TP53BP1: variants seen among roughly 807,000 people sequenced by gnomAD.
TP53BP1 encodes the protein TP53-binding protein 1.
TP53BP1 carries 61 observed loss-of-function variants against 200.8 expected under a neutral mutation model. The observed-to-expected ratio is 0.30, with a 90% confidence interval of 0.25 to 0.38. The LOEUF (loss-of-function observed/expected upper bound fraction) is 0.38. TP53BP1 is among the 10% of genes least tolerant of loss of function. TP53BP1 has a pLI of 1.00. For synonymous variants in TP53BP1, 822 were observed against 844.3 expected (o/e 0.97, Z 0.46); for missense variants, 2,144 against 2,371.9 (o/e 0.90, Z 2.00).
chr15:43,483,069 A>G (rs1283718889), intron 4 of TP53BP1, among the ~76,000 whole-genome samples: 1 of 152,188 alleles, frequency 6.6e-6, no homozygotes, highest in African/African-American at 2.4e-5. Context: ...GTATACTTAA[A>G]TATTATGGAA....
chr15:43,464,367 A>C (rs1246908193), intron 11 of TP53BP1, among the ~76,000 whole-genome samples: 1 of 152,250 alleles, frequency 6.6e-6, no homozygotes, highest in Non-Finnish European at 1.5e-5. Flanking sequence ...AGAATTTAGA[A>C]ATTAAAAACC....
intron 15 of TP53BP1, among the ~76,000 whole-genome samples, chr15:43,440,347 T>G (rs1388556060): frequency 6.6e-6 from 1 of 151,436 alleles, no homozygotes; most frequent in Non-Finnish European, 1.5e-5. Context: ...CCGTCTCCAC[T>G]AAAAATACAA....
At chr15:43,407,713 A>T (rs2044957602) in intron 27 of TP53BP1, 143 bp from the exon 28 acceptor site, 2 of 854,136 alleles carry the variant, frequency 2.3e-6, no homozygotes, top group South Asian at 3.7e-5. Flanking sequence ...ACTGATCATG[A>T]CCAAAGGCAG....
At chr15:43,504,261 C>T (rs2079224922) in intron 1 of TP53BP1, among the ~76,000 whole-genome samples, 1 of 152,194 alleles carries the variant, frequency 6.6e-6, no homozygotes, top group South Asian at 2.1e-4. Context: ...GATCCTCCTG[C>T]TTTAGCCTCC....
rs370401866 is a variant in TP53BP1, at chr15:43,425,004, G to A, written c.3829-2878C>T. 6.6e-5 allele frequency among the ~76,000 whole-genome samples: 10 copies of A among 152,258 alleles called. No individual in the cohort carries two copies. The East Asian group carries it at 1.4e-3, about 21-fold the overall frequency. On this transcript the variant is annotated intron_variant, in intron 18 of 27. Coordinates refer to ENST00000382044, the MANE Select transcript of TP53BP1 (RefSeq NM_001141980.3). ...GGTTAGTTATCACCAGAGTGGGTCT[G>A]TTATAAAAACTAATTTGGTTCTCTT...
Position 43,416,482 on chromosome 15 carries a change from G to C in TP53BP1, c.4682-66C>G, listed in dbSNP as rs180816365. On this transcript the variant is annotated intron_variant, in intron 21 of 27. Transcript: ENST00000382044. ...AGGCTCCTTAGCACCCTCTCACAAG[G>C]GCTCTGTAAAGCAGGCCTGAGTTAG... is the stretch of plus-strand genomic sequence containing the variant. 32 of 1,502,950 alleles carry C rather than the reference G, an allele frequency of 2.1e-5. No homozygotes were observed. In the Middle Eastern group the frequency reaches 1.8e-3, roughly 83 times the overall value. The allele number at this position is 1,502,950 out of a possible 1,614,324, so 93.1% of individuals were successfully genotyped here. A position where few individuals can be genotyped will look rare whatever the true frequency, so the allele number is the denominator to read the frequency against.
intron 11 of TP53BP1, among the ~76,000 whole-genome samples, chr15:43,461,924 C>A (rs557303302): frequency 6.6e-6 from 1 of 151,800 alleles, no homozygotes; most frequent in African/African-American, 2.4e-5. Context: ...TCTGCCTCGG[C>A]CTCCCAAAGC....
chr15:43,403,610 T>A lies in TP53BP1; in HGVS notation c.*3773A>T, dbSNP rs1055749713. 3.6e-6 allele frequency: 4 copies of A among 1,108,708 alleles called. No homozygotes were observed. The highest frequency in any genetic ancestry group is 3.7e-5 in the Admixed American group (2 of 54,642). 68.7% of individuals were successfully genotyped at this position (1,108,708 alleles called of 1,614,324 possible). On this transcript the variant is annotated 3_prime_UTR_variant, in exon 28 of 28. Transcript: ENST00000382044. Reference sequence around the variant, plus strand: ...TAATTAGATCAGCTATTAATCAGACTGTTCTCCTAACACTTTAACTTCATG... The same window carrying A: ...TAATTAGATCAGCTATTAATCAGACAGTTCTCCTAACACTTTAACTTCATG...
Position 43,412,854 on chromosome 15 carries a change from G to C in TP53BP1, c.5305+265C>G, listed in dbSNP as rs2045157723. Reference sequence around the variant, plus strand: ...TTTAACCTTTAACCTCTCCAAACTTGTTTCCTCATCCATAAAATAGATAAG... The same window carrying C: ...TTTAACCTTTAACCTCTCCAAACTTCTTTCCTCATCCATAAAATAGATAAG... On this transcript the variant is annotated intron_variant, in intron 24 of 27. Coordinates refer to ENST00000382044, the MANE Select transcript of TP53BP1 (RefSeq NM_001141980.3). The C allele has an allele frequency of 1.8e-5, 10 of 561,232 alleles. No homozygotes were observed. In the Admixed American group the frequency reaches 1.8e-4, roughly 10 times the overall value. The allele number at this position is 561,232 out of a possible 1,614,324, so 34.8% of individuals were successfully genotyped here.
In TP53BP1 at chr15:43,428,001, C is replaced by CA; in HGVS notation, c.3828+14dup. 1 of 1,522,198 alleles carries CA rather than the reference C, an allele frequency of 6.6e-7. No homozygotes were observed. Among genetic ancestry groups the CA allele is most frequent in the South Asian group, 1.2e-5 (1 of 81,224 alleles). The allele number at this position is 1,522,198 out of a possible 1,614,324, so 94.3% of individuals were successfully genotyped here. A position where few individuals can be genotyped will look rare whatever the true frequency, so the allele number is the denominator to read the frequency against. Reference sequence around the variant, plus strand: ...AAGAAAGAAATTTGCCACACAGACTCAGAGTATGTATTACCTCAGTTACTT... The same window carrying CA: ...AAGAAAGAAATTTGCCACACAGACTCAAGAGTATGTATTACCTCAGTTACTT... On this transcript the variant is annotated intron_variant, in intron 18 of 27. Transcript: ENST00000382044.
intron 11 of TP53BP1, among the ~76,000 whole-genome samples, chr15:43,461,661 G>C (rs2046435248): frequency 6.7e-6 from 1 of 150,254 alleles, no homozygotes; most frequent in Non-Finnish European, 1.5e-5. Context: ...AAATTATGTG[G>C]ATATACATTA....
At chr15:43,472,154 T>C (rs567793183) in intron 10 of TP53BP1, among the ~76,000 whole-genome samples, 1 of 152,356 alleles carries the variant, frequency 6.6e-6, no homozygotes, top group Admixed American at 6.5e-5. Flanking sequence ...ATTCTGCTTC[T>C]ACATCTCATT....
At chr15:43,433,708 GA>G (rs1191851298) in intron 16 of TP53BP1, among the ~76,000 whole-genome samples, 5 of 152,158 alleles carry the variant, frequency 3.3e-5, no homozygotes, top group African/African-American at 1.2e-4. Flanking sequence ...ACCATGCTAA[GA>G]CCACATCTGG....
chr15:43,439,482 A>C (rs111511314), intron 15 of TP53BP1, among the ~76,000 whole-genome samples: 98 of 152,222 alleles, frequency 6.4e-4, no homozygotes, highest in African/African-American at 2.3e-3. Flanking sequence ...GCTGCAGTGA[A>C]CTGTGATTGC....
rs984518011 is a variant in TP53BP1, at chr15:43,458,004, G to C, written c.1390-786C>G. Among the ~76,000 whole-genome samples, 5 of 151,960 alleles carry C rather than the reference G, an allele frequency of 3.3e-5. No individual in the cohort carries two copies. In the East Asian group the frequency reaches 9.7e-4, roughly 29 times the overall value. On this transcript the variant is annotated intron_variant, in intron 11 of 27. Coordinates refer to ENST00000382044, the MANE Select transcript of TP53BP1 (RefSeq NM_001141980.3). ...ATTGCACTCCAGTCTGGATTACAGA[G>C]CAAGACTCCATCTCAAAAAATAGTA...
chr15:43,456,269 A>C lies in TP53BP1; in HGVS notation c.2339T>G (p.Leu780Trp). Residue 780 changes from leucine to tryptophan, a missense_variant, in exon 12 of 28, where the codon TTG (leucine) becomes TGG (tryptophan). By Grantham distance (61) the Leu-to-Trp change is moderately conservative. Around this residue, in one of 4 missense-constraint regions of TP53BP1, gnomAD observed 1,700 missense variants for 1,710.3 expected, o/e 0.99. Coordinates refer to ENST00000382044, the MANE Select transcript of TP53BP1 (RefSeq NM_001141980.3). ...SPRVDVSCEP[L>W]EGVEKCSDSQ... ...ATCTGAGCACTTCTCCACTCCCTCC[A>C]AAGGTTCACAAGAAACATCAACTCT... 6.2e-7 allele frequency: 1 copy of C among 1,614,144 alleles called. No individual in the cohort carries two copies. The highest frequency in any genetic ancestry group is 1.1e-5 in the South Asian group (1 of 91,088).
At position 43,403,440 on chromosome 15, in the gene TP53BP1, A is replaced by G. The variant is rs1026995690; in HGVS notation, c.*3943T>C. 9.9e-5 allele frequency: 37 copies of G among 373,008 alleles called. No individual in the cohort carries two copies. Among genetic ancestry groups the G allele is most frequent in the African/African-American group, 6.2e-4 (30 of 48,054 alleles). The allele number at this position is 373,008 out of a possible 1,614,324, so 23.1% of individuals were successfully genotyped here. ...GAAATGAAGAGTTAAATGTGGCTAG[A>G]TTGGAGGTTTGGTGCAGGGCTAAGA... On this transcript the variant is annotated 3_prime_UTR_variant, in exon 28 of 28. Coordinates refer to ENST00000382044, the MANE Select transcript of TP53BP1 (RefSeq NM_001141980.3).
intron 15 of TP53BP1, among the ~76,000 whole-genome samples, chr15:43,440,637 T>C (rs1463992573): frequency 6.6e-6 from 1 of 152,018 alleles, no homozygotes; most frequent in Admixed American, 6.6e-5. Flanking sequence ...TCTGTAATCC[T>C]AGCACTTTGG....
chr15:43,493,009 T>C, intron 1 of TP53BP1, 28 bp downstream of exon 1: 1 of 1,579,002 alleles, frequency 6.3e-7, no homozygotes, highest in Admixed American at 1.7e-5. Context: ...CAGAGCCCAC[T>C]GCACTCCCAT....
Sources: allele counts gnomAD v4.1 joint callset (sites outside exome capture counted in the v4.1 genomes callset), GRCh38; gene constraint gnomAD v4.1.1; regional missense constraint gnomAD v4.1.1; transcripts MANE v1.5; gene names NCBI Gene and HGNC (gene_info 2026-07-23, HGNC 2026-07-21).